Variants in MARK1 observed in about 807,000 individuals in gnomAD.
MARK1 encodes the protein serine/threonine-protein kinase MARK1.
A neutral mutation model predicts 96.3 loss-of-function variants in MARK1; 40 were observed. The ratio of observed to expected loss-of-function variants is 0.42; its 90% CI spans 0.32 to 0.54. The LOEUF (loss-of-function observed/expected upper bound fraction) is 0.54, where lower values mean the gene tolerates loss of function less well. Ranked by LOEUF, MARK1 falls within the 20% of genes least tolerant of loss-of-function variation. The probability of loss-of-function intolerance (pLI) is 0.16; values close to 1 mark genes in which losing one functional copy is unlikely to be tolerated. For missense variants in MARK1, 719 were observed against 984.6 expected (o/e 0.73, Z 3.61); for synonymous variants, 317 against 341.2 (o/e 0.93, Z 0.78).
rs1665058330 is a variant in MARK1, at chr1:220,592,372, T to C, written c.310-5959T>C. On this transcript the variant is annotated intron_variant, in intron 3 of 17. Coordinates refer to ENST00000366917, the MANE Select transcript of MARK1 (RefSeq NM_018650.5). ...CCACTTGGCAAGGACCTATGTACAG[T>C]CTCTAAGAGGTAAGGGTGGCCCCTA... 1.3e-5 allele frequency among the ~76,000 whole-genome samples: 2 copies of C among 151,880 alleles called. 1 individual carries two copies. The highest frequency in any genetic ancestry group is 2.9e-5 in the Non-Finnish European group (2 of 67,962).
At chr1:220,643,727 C>T (rs148961758) in intron 13 of MARK1, among the ~76,000 whole-genome samples, 1 of 152,310 alleles carries the variant, frequency 6.6e-6, no homozygotes, top group African/African-American at 2.4e-5. Context: ...GTGGACCTGT[C>T]AGTGTAAACC....
intron 1 of MARK1, among the ~76,000 whole-genome samples, chr1:220,533,423 GTTATTA>G (rs1347845357): frequency 6.6e-6 from 1 of 151,866 alleles, no homozygotes; most frequent in Non-Finnish European, 1.5e-5. Flanking sequence ...TGATTTTAAA[GTTATTA>G]TTATTGTTAT....
chr1:220,615,221 C>G (rs1262607826), intron 6 of MARK1, among the ~76,000 whole-genome samples: 2 of 151,996 alleles, frequency 1.3e-5, no homozygotes, highest in African/African-American at 2.4e-5. Context: ...CTGTTGGGTT[C>G]CTCCTTGTTT....
chr1:220,541,064 C>T (rs1186657510), intron 1 of MARK1, among the ~76,000 whole-genome samples: 4 of 152,030 alleles, frequency 2.6e-5, no homozygotes, highest in Non-Finnish European at 5.9e-5. Context: ...TCCTGAGTAG[C>T]TGGAATTACA....
chr1:220,627,097 G>A (rs1028074098), intron 9 of MARK1: 13 of 516,286 alleles, frequency 2.5e-5, no homozygotes, highest in Admixed American at 6.5e-5. Context: ...GATAAACAGC[G>A]ACTGTTTGAG....
intron 6 of MARK1, among the ~76,000 whole-genome samples, chr1:220,608,939 G>A (rs1666259743): frequency 6.6e-6 from 1 of 152,164 alleles, no homozygotes; most frequent in South Asian, 2.1e-4. Flanking sequence ...TGTGATTTCT[G>A]TTCTTTTACA....
intron 1 of MARK1, among the ~76,000 whole-genome samples, chr1:220,552,711 A>G (rs1054129661): frequency 6.6e-6 from 1 of 152,226 alleles, no homozygotes; most frequent in African/African-American, 2.4e-5. Flanking sequence ...TTGTGGACAG[A>G]GAAGACAAAT....
chr1:220,536,162 T>C (rs1660666351), intron 1 of MARK1, among the ~76,000 whole-genome samples: 1 of 152,166 alleles, frequency 6.6e-6, no homozygotes, highest in South Asian at 2.1e-4. Flanking sequence ...TTTTGGTATT[T>C]GGAATCCTTA....
chr1:220,579,581 A>G (rs745601011), intron 2 of MARK1, 24 bp downstream of exon 2: 5 of 1,598,690 alleles, frequency 3.1e-6, no homozygotes, highest in Non-Finnish European at 3.4e-6. Flanking sequence ...ATGCCTTTTA[A>G]TATCTGCCTG....
At chr1:220,648,087 T>G (rs1471864703) in intron 13 of MARK1, among the ~76,000 whole-genome samples, 3 of 151,726 alleles carry the variant, frequency 2.0e-5, no homozygotes. Flanking sequence ...GAAACAACAT[T>G]TTAAAAAATA....
At chr1:220,636,472 G>C (rs187647023) in intron 13 of MARK1, among the ~76,000 whole-genome samples, 2 of 152,050 alleles carry the variant, frequency 1.3e-5, no homozygotes, top group Non-Finnish European at 2.9e-5. Flanking sequence ...GGAAAGAATA[G>C]AGATAAGAAA....
At chr1:220,555,075 A>G (rs914584786) in intron 1 of MARK1, among the ~76,000 whole-genome samples, 5 of 152,198 alleles carry the variant, frequency 3.3e-5, no homozygotes, top group African/African-American at 1.2e-4. Flanking sequence ...GAACTGGGGA[A>G]GTAACCACAG....
At chr1:220,588,818 C>T (rs1664811984) in intron 3 of MARK1, among the ~76,000 whole-genome samples, 1 of 152,184 alleles carries the variant, frequency 6.6e-6, no homozygotes, top group Admixed American at 6.5e-5. Context: ...ATGTCACCTT[C>T]AGGGTAAAAC....
intron 9 of MARK1, chr1:220,626,732 G>T: frequency 3.0e-6 from 1 of 334,554 alleles, no homozygotes; most frequent in Non-Finnish European, 5.8e-6. Flanking sequence ...TGAGTCATGA[G>T]AATCGCTTGC....
intron 7 of MARK1, 89 bp downstream of exon 7, chr1:220,616,084 C>A: frequency 3.2e-6 from 2 of 626,504 alleles, no homozygotes; most frequent in Non-Finnish European, 5.4e-6. Flanking sequence ...TATTTTATTG[C>A]CTAACTGTGC....
intron 1 of MARK1, among the ~76,000 whole-genome samples, chr1:220,529,299 C>T (rs1660148263): frequency 6.6e-6 from 1 of 152,168 alleles, no homozygotes; most frequent in Non-Finnish European, 1.5e-5. Flanking sequence ...TCTTTCAATC[C>T]TTTGCACTCT....
intron 13 of MARK1, among the ~76,000 whole-genome samples, chr1:220,643,805 C>T (rs1668421029): frequency 6.6e-6 from 1 of 152,188 alleles, no homozygotes; most frequent in African/African-American, 2.4e-5. Flanking sequence ...CCCAGAATTT[C>T]ATATCTGGTC....
intron 1 of MARK1, among the ~76,000 whole-genome samples, chr1:220,572,888 C>G (rs1266587204): frequency 6.6e-6 from 1 of 151,932 alleles, no homozygotes; most frequent in Non-Finnish European, 1.5e-5. Context: ...GTCTTTTTTG[C>G]CTTTTTTGAG....
At chr1:220,593,138 A>G (rs1665107136) in intron 3 of MARK1, among the ~76,000 whole-genome samples, 1 of 152,216 alleles carries the variant, frequency 6.6e-6, no homozygotes, top group African/African-American at 2.4e-5. Context: ...TATATTAATA[A>G]CAAGTTCATA....
Sources: allele counts gnomAD v4.1 joint callset (sites outside exome capture counted in the v4.1 genomes callset), GRCh38; gene constraint gnomAD v4.1.1; transcripts MANE v1.5; gene names NCBI Gene and HGNC (gene_info 2026-07-23, HGNC 2026-07-21).